Variants in KIF6 observed in about 807,000 individuals in gnomAD.
KIF6 encodes the protein kinesin-like protein KIF6.
In KIF6, 106 loss-of-function variants were observed where a neutral mutation model predicts 112.7. The ratio of observed to expected loss-of-function variants is 0.94; its 90% CI spans 0.80 to 1.11. The LOEUF is 1.11. Ranked by LOEUF, KIF6 falls within the 50% of genes least tolerant of loss-of-function variation. The pLI, the probability that KIF6 is intolerant of heterozygous loss-of-function variation, is 0.00. For synonymous variants in KIF6, 339 were observed against 339.9 expected (o/e 1.00, Z 0.03); for missense variants, 929 against 964.0 (o/e 0.96, Z 0.48).
At chr6:39,626,015 G>T (rs1784073870) in intron 5 of KIF6, among the ~76,000 whole-genome samples, 1 of 152,116 alleles carries the variant, frequency 6.6e-6, no homozygotes, top group Non-Finnish European at 1.5e-5. Context: ...TATAATCATT[G>T]TGAGGATGGG....
At chr6:39,707,816 A>T (rs1789302483) in intron 3 of KIF6, among the ~76,000 whole-genome samples, 1 of 152,198 alleles carries the variant, frequency 6.6e-6, no homozygotes, top group South Asian at 2.1e-4. Flanking sequence ...AACCTTGTAA[A>T]CTTGGTGTTA....
chr6:39,429,776 C>T (rs1034035165), intron 14 of KIF6, among the ~76,000 whole-genome samples: 12 of 151,958 alleles, frequency 7.9e-5, no homozygotes, highest in South Asian at 2.1e-4. Flanking sequence ...GGTGTGGTGG[C>T]GGGTGCCTGT....
At chr6:39,615,084 G>C (rs1783429550) in intron 5 of KIF6, among the ~76,000 whole-genome samples, 1 of 151,896 alleles carries the variant, frequency 6.6e-6, no homozygotes, top group Admixed American at 6.6e-5. Flanking sequence ...GAGGTGGGAG[G>C]ATGGCTTGAG....
chr6:39,722,784 T>C (rs1162091398), intron 1 of KIF6, among the ~76,000 whole-genome samples: 1 of 152,206 alleles, frequency 6.6e-6, no homozygotes, highest in African/African-American at 2.4e-5. Context: ...ATTCAATATT[T>C]ATTCATTCCC....
At chr6:39,625,045 T>C (rs1226810837) in intron 5 of KIF6, among the ~76,000 whole-genome samples, 1 of 147,036 alleles carries the variant, frequency 6.8e-6, no homozygotes, top group Non-Finnish European at 1.5e-5. Context: ...GCTCTCTCTC[T>C]CTTTCTCTCC....
At chr6:39,491,293 C>T (rs1368914936) in intron 13 of KIF6, among the ~76,000 whole-genome samples, 3 of 152,000 alleles carry the variant, frequency 2.0e-5, no homozygotes, top group Non-Finnish European at 4.4e-5. Flanking sequence ...ACAGAGAACA[C>T]ATGGAGAGGC....
chr6:39,372,540 T>C (rs1297797857), intron 16 of KIF6, among the ~76,000 whole-genome samples: 1 of 152,240 alleles, frequency 6.6e-6, no homozygotes, highest in Non-Finnish European at 1.5e-5. Flanking sequence ...ATTTGATCTA[T>C]GAAGCCTTGG....
At chr6:39,628,729 T>C (rs1784214795) in intron 5 of KIF6, among the ~76,000 whole-genome samples, 2 of 152,132 alleles carry the variant, frequency 1.3e-5, no homozygotes, top group South Asian at 4.1e-4. Context: ...GTATTGTAAA[T>C]TCTGTGGGTT....
At chr6:39,521,190 G>A (rs1218299240) in intron 13 of KIF6, among the ~76,000 whole-genome samples, 1 of 152,148 alleles carries the variant, frequency 6.6e-6, no homozygotes, top group Non-Finnish European at 1.5e-5. Flanking sequence ...TTACATTATG[G>A]TCAGAGGGAA....
intron 9 of KIF6, 80 bp downstream of exon 9, chr6:39,584,818 G>A (rs1438477026): frequency 1.2e-6 from 1 of 831,256 alleles, no homozygotes; most frequent in Non-Finnish European, 2.0e-6. Context: ...TCCCAGTACA[G>A]AGCAAGTGCA....
At chr6:39,436,217 T>C (rs1771518423) in intron 13 of KIF6, among the ~76,000 whole-genome samples, 1 of 152,170 alleles carries the variant, frequency 6.6e-6, no homozygotes, top group Non-Finnish European at 1.5e-5. Flanking sequence ...TTATTTGTTT[T>C]TTTTCTTGCG....
chr6:39,622,599 C>T (rs946172422), intron 5 of KIF6, among the ~76,000 whole-genome samples: 2 of 152,168 alleles, frequency 1.3e-5, no homozygotes, highest in South Asian at 2.1e-4. Context: ...ATCTGTCCTC[C>T]CCTTCTCCCT....
intron 19 of KIF6, among the ~76,000 whole-genome samples, chr6:39,347,839 A>G (rs989355344): frequency 5.3e-5 from 8 of 152,244 alleles, no homozygotes; most frequent in African/African-American, 1.9e-4. Flanking sequence ...TCCATAGGTC[A>G]CGACTGTGGT....
intron 6 of KIF6, among the ~76,000 whole-genome samples, chr6:39,604,186 G>A (rs1582250560): frequency 6.6e-6 from 1 of 152,146 alleles, no homozygotes; most frequent in East Asian, 1.9e-4. Flanking sequence ...TAACTTCCAT[G>A]TGGTTTTCTA....
chr6:39,695,849 A>C (rs1406956099), intron 3 of KIF6, among the ~76,000 whole-genome samples: 1 of 152,234 alleles, frequency 6.6e-6, no homozygotes, highest in African/African-American at 2.4e-5. Flanking sequence ...CCACACTCGT[A>C]TTCTCATCAC....
intron 13 of KIF6, among the ~76,000 whole-genome samples, chr6:39,500,234 G>A (rs971469818): frequency 1.3e-5 from 2 of 152,212 alleles, no homozygotes; most frequent in African/African-American, 4.8e-5. Context: ...AGTGATTGGA[G>A]AAGTTAAGAA....
In KIF6 at chr6:39,335,265, G is replaced by A. The variant is rs1384760519; in HGVS notation, c.*1267C>T. 2 of 152,168 alleles carry A rather than the reference G, an allele frequency of 1.3e-5. No homozygotes were observed. Among genetic ancestry groups the A allele is most frequent in the Admixed American group, 1.3e-4 (2 of 15,288 alleles). The allele number at this position is 152,168 out of a possible 1,614,324, so 9.4% of individuals were successfully genotyped here. A position where few individuals can be genotyped will look rare whatever the true frequency, so the allele number is the denominator to read the frequency against. ...GAGTGGTCAGGGGAAGCCCCCTGAA[G>A]AGGGGACATTTGTCAGTGGCATAGA... On this transcript the variant is annotated 3_prime_UTR_variant, in exon 23 of 23. Transcript: ENST00000287152.
chr6:39,713,385 G>T (rs929813843), intron 3 of KIF6, among the ~76,000 whole-genome samples: 1 of 152,184 alleles, frequency 6.6e-6, no homozygotes, highest in African/African-American at 2.4e-5. Flanking sequence ...AGGCAGTGGA[G>T]GCGAAAGCTT....
At chr6:39,682,012 C>G (rs1787548353) in intron 3 of KIF6, among the ~76,000 whole-genome samples, 1 of 152,072 alleles carries the variant, frequency 6.6e-6, no homozygotes, top group African/African-American at 2.4e-5. Context: ...CTTACTCATT[C>G]CACAGATATT....
Sources: gnomAD v4.1 joint callset for allele counts (sites outside exome capture counted in the v4.1 genomes callset) on GRCh38, gnomAD v4.1.1 for gene constraint, MANE v1.5 for transcripts, NCBI Gene and HGNC (gene_info 2026-07-23, HGNC 2026-07-21) for gene names.